Variants in GON4L observed in about 807,000 individuals in gnomAD.
GON4L encodes the protein GON-4-like protein.
A neutral mutation model predicts 211.8 loss-of-function variants in GON4L; 87 were observed. That is an observed-to-expected ratio of 0.41 (90% CI 0.35 to 0.49). The LOEUF is 0.49. Among genes scored for constraint, GON4L ranks in the 20% least tolerant of loss-of-function variants. GON4L has a pLI of 0.15. For synonymous variants in GON4L, 875 were observed against 962.6 expected (o/e 0.91, Z 1.68); for missense variants, 2,155 against 2,659.5 (o/e 0.81, Z 4.17).
At chr1:155,760,372 T>C (rs978936113) in intron 24 of GON4L, 72 bp downstream of exon 24, 6 of 926,422 alleles carry the variant, frequency 6.5e-6, no homozygotes, top group Non-Finnish European at 8.5e-6. Context: ...AAGAGTCTTA[T>C]TCAACCCCAT....
chr1:155,799,231 T>C (rs1455940908), intron 11 of GON4L, among the ~76,000 whole-genome samples: 1 of 152,150 alleles, frequency 6.6e-6, no homozygotes. Flanking sequence ...GGTTAGGAGT[T>C]CAAGACCAGC....
chr1:155,807,151 A>G (rs1667208656), intron 10 of GON4L, among the ~76,000 whole-genome samples: 1 of 151,586 alleles, frequency 6.6e-6, no homozygotes, highest in Non-Finnish European at 1.5e-5. Context: ...CTGTAAACCC[A>G]GCACCTTGAT....
intron 2 of GON4L, among the ~76,000 whole-genome samples, chr1:155,837,767 T>C (rs1670443104): frequency 6.6e-6 from 1 of 150,682 alleles, no homozygotes; most frequent in Non-Finnish European, 1.5e-5. Context: ...TAAAAGAGGG[T>C]TTTAAAATTA....
chr1:155,756,360 A>C (rs1264489585), intron 27 of GON4L, among the ~76,000 whole-genome samples: 1 of 152,164 alleles, frequency 6.6e-6, no homozygotes, highest in Non-Finnish European at 1.5e-5. Context: ...AAGTTGAATT[A>C]AGGGTAATAA....
At position 155,784,358 on chromosome 1, in the gene GON4L, C is replaced by CCT. The variant is rs1664723654; in HGVS notation, c.1789-270_1789-269insAG. ...ACTCAAAATTATCAATCTCTCTCTC[C>CCT]TTTTTTTTTTTTTTTTTTTTTTTTT... On this transcript the variant is annotated intron_variant, in intron 13 of 31. Transcript: ENST00000368331. 9.6e-5 allele frequency: 10 copies of CCT among 104,126 alleles called. 1 individual carries two copies. Among genetic ancestry groups the CCT allele is most frequent in the South Asian group, 9.2e-4 (10 of 10,914 alleles). 6.5% of individuals were successfully genotyped at this position (104,126 alleles called of 1,614,324 possible). A position where few individuals can be genotyped will look rare whatever the true frequency, so the allele number is the denominator to read the frequency against.
chr1:155,845,286 T>C (rs1671128194), intron 2 of GON4L: 1 of 179,506 alleles, frequency 5.6e-6, no homozygotes, highest in South Asian at 1.1e-4. Context: ...TCTCACTGCT[T>C]ATTATACACT....
Position 155,827,074 on chromosome 1 carries a change from C to A in GON4L, c.506-46G>T. On this transcript the variant is annotated intron_variant, in intron 2 of 31. Coordinates refer to ENST00000368331, the MANE Select transcript of GON4L (RefSeq NM_001282860.2). ...GCTCCACACTTTGACCATTCTCAGTCATACTCTGTTGTAGAATTTAGCATC... is the reference window on the plus strand; with the variant it reads ...GCTCCACACTTTGACCATTCTCAGTAATACTCTGTTGTAGAATTTAGCATC... 2.2e-6 allele frequency: 3 copies of A among 1,364,420 alleles called. No individual in the cohort carries two copies. The South Asian group carries it at 3.5e-5, about 16-fold the overall frequency. The allele number at this position is 1,364,420 out of a possible 1,614,324, so 84.5% of individuals were successfully genotyped here.
intron 11 of GON4L, among the ~76,000 whole-genome samples, chr1:155,803,803 G>A (rs1229953188): frequency 1.3e-5 from 2 of 152,164 alleles, no homozygotes; most frequent in African/African-American, 2.4e-5. Flanking sequence ...GTCCTGAAGT[G>A]TAGACAAAGC....
intron 11 of GON4L, 101 bp from the exon 12 acceptor site, chr1:155,795,252 G>A (rs1665953209): frequency 1.3e-6 from 1 of 759,352 alleles, no homozygotes; most frequent in Non-Finnish European, 2.3e-6. Flanking sequence ...TTTGAGACAG[G>A]GTCTCACTCT....
At chr1:155,756,367 A>G (rs1355660208) in intron 27 of GON4L, among the ~76,000 whole-genome samples, 1 of 152,172 alleles carries the variant, frequency 6.6e-6, no homozygotes, top group African/African-American at 2.4e-5. Flanking sequence ...ATTAAGGGTA[A>G]TAACTCTGAG....
At chr1:155,775,321 T>TG in intron 16 of GON4L, 148 bp from the exon 17 acceptor site, 1 of 1,058,796 alleles carries the variant, frequency 9.4e-7, no homozygotes, top group Non-Finnish European at 1.4e-6. Context: ...TAAACTACTC[T>TG]GTTAAGATTA....
chr1:155,758,637 G>A lies in GON4L; in HGVS notation c.5110-603C>T, dbSNP rs55801699. ...CTGATGCCTGTAATCCCAGCACTTC[G>A]GGAAGCCGAGGTAGGCAAATCACCT... On this transcript the variant is annotated intron_variant, in intron 24 of 31. Transcript: ENST00000368331. 2.8e-3 allele frequency among the ~76,000 whole-genome samples: 422 copies of A among 152,244 alleles called. 1 individual carries two copies. The highest frequency in any genetic ancestry group is 5.0e-3 in the Admixed American group (76 of 15,298).
chr1:155,760,492 T>G lies in GON4L; in HGVS notation c.5061A>C (p.Lys1687Asn), dbSNP rs1382868188. The G allele has an allele frequency of 6.2e-7, 1 of 1,613,400 alleles. No individual in the cohort carries two copies. Among genetic ancestry groups the G allele is most frequent in the African/African-American group, 1.3e-5 (1 of 74,918 alleles). Residue 1687 changes from lysine (K) to asparagine (N), a missense_variant, in exon 24 of 32, where the codon AAA (lysine) becomes AAC (asparagine). This residue lies in a region of GON4L where 455 missense variants were observed against 504.6 expected (regional missense o/e 0.90). Coordinates refer to ENST00000368331, the MANE Select transcript of GON4L (RefSeq NM_001282860.2). ...ILLQDWPQLL[K>N]DFAAFLLPEQ... ...CAGGTAACAGGAAAGCAGCAAAGTC[T>G]TTCAACAGCTGAGGCCAGTCTTGGA... is the stretch of plus-strand genomic sequence containing the variant.
At position 155,846,123 on chromosome 1, in the gene GON4L, A is replaced by G. The variant is rs531717025; in HGVS notation, c.505+7153T>C. The G allele has an allele frequency of 2.6e-4, 61 of 231,118 alleles. No homozygotes were observed. The East Asian group carries it at 6.2e-3, about 24-fold the overall frequency. 14.3% of individuals were successfully genotyped at this position (231,118 alleles called of 1,614,324 possible). A position where few individuals can be genotyped will look rare whatever the true frequency, so the allele number is the denominator to read the frequency against. On this transcript the variant is annotated intron_variant, in intron 2 of 31. Transcript: ENST00000368331. ...GTCAAGGCCTTTTACCTGAAGACCA[A>G]TAACCAAATGGTAGCAGTGTACTTG... is the stretch of plus-strand genomic sequence containing the variant.
chr1:155,747,416 A>G (rs777314113), downstream of GON4L: 20 of 1,292,904 alleles, frequency 1.5e-5, no homozygotes, highest in Middle Eastern at 1.9e-4. Flanking sequence ...GGGTATGGGG[A>G]CCCCAGAGGC....
chr1:155,776,605 C>G (rs1048626228), intron 15 of GON4L, 124 bp from the exon 16 acceptor site: 1 of 802,976 alleles, frequency 1.2e-6, no homozygotes. Flanking sequence ...GGCTGATGTG[C>G]AGTGATGCAA....
At chr1:155,846,099 T>C (rs987703825) in intron 2 of GON4L, 1 of 228,790 alleles carries the variant, frequency 4.4e-6, no homozygotes, top group Non-Finnish European at 9.9e-6. Flanking sequence ...TAGGAGTTTG[T>C]CAAGGCCTTT....
chr1:155,855,217 T>A (rs1025019998), intron 1 of GON4L, among the ~76,000 whole-genome samples: 1 of 152,208 alleles, frequency 6.6e-6, no homozygotes, highest in Admixed American at 6.5e-5. Context: ...TCTTTTAGTA[T>A]CTGTTTGTAA....
chr1:155,814,250 G>T, intron 9 of GON4L, 80 bp downstream of exon 9: 1 of 1,315,320 alleles, frequency 7.6e-7, no homozygotes, highest in South Asian at 1.2e-5. Flanking sequence ...AATCACCATG[G>T]ATAAATAATC....
Sources: gnomAD v4.1 joint callset for allele counts (sites outside exome capture counted in the v4.1 genomes callset) on GRCh38, gnomAD v4.1.1 for gene constraint, gnomAD v4.1.1 regional missense constraint, MANE v1.5 for transcripts, NCBI Gene and HGNC (gene_info 2026-07-23, HGNC 2026-07-21) for gene names.